Variants in TMEM87B observed in about 807,000 individuals in gnomAD.
TMEM87B encodes transmembrane protein 87B.
TMEM87B carries 83 observed loss-of-function variants against 80.3 expected under a neutral mutation model. The observed-to-expected ratio is 1.03, with a 90% confidence interval of 0.87 to 1.24. The LOEUF is 1.24. Among genes scored for constraint, TMEM87B ranks in the 50% most tolerant of loss-of-function variants. The probability of loss-of-function intolerance (pLI) is 0.00; values close to 1 mark genes in which losing one functional copy is unlikely to be tolerated. For missense variants in TMEM87B, 625 were observed against 674.4 expected (o/e 0.93, Z 0.81); for synonymous variants, 219 against 230.5 (o/e 0.95, Z 0.45).
intron 11 of TMEM87B, among the ~76,000 whole-genome samples, chr2:112,092,477 G>A (rs1573713861): frequency 6.6e-6 from 1 of 152,340 alleles, no homozygotes; most frequent in East Asian, 1.9e-4. Context: ...TGAGTAATGT[G>A]ATGAAACCTG....
intron 4 of TMEM87B, 62 bp from the exon 5 acceptor site, chr2:112,074,850 A>G: frequency 6.9e-7 from 1 of 1,450,612 alleles, no homozygotes. Context: ...TTAATTATTA[A>G]AACAATTTTT....
chr2:112,070,773 C>G (rs1320969010), intron 4 of TMEM87B, among the ~76,000 whole-genome samples: 6 of 151,852 alleles, frequency 4.0e-5, no homozygotes, highest in African/African-American at 1.5e-4. Flanking sequence ...GGCAGCAGGG[C>G]CATTTTAACA....
chr2:112,113,069 G>A, intron 18 of TMEM87B, 140 bp downstream of exon 18: 8 of 749,496 alleles, frequency 1.1e-5, no homozygotes, highest in South Asian at 6.3e-5. Flanking sequence ...TTGATTTGTG[G>A]GTAAAGTTGA....
At chr2:112,059,903 T>C (rs1678192342) in intron 1 of TMEM87B, 74 bp from the exon 2 acceptor site, 2 of 1,539,948 alleles carry the variant, frequency 1.3e-6, no homozygotes, top group Admixed American at 3.8e-5. Flanking sequence ...CTTAGAACTC[T>C]ATATGTTGTG....
At chr2:112,090,815 T>C (rs1355950032) in intron 10 of TMEM87B, among the ~76,000 whole-genome samples, 1 of 152,214 alleles carries the variant, frequency 6.6e-6, no homozygotes, top group Non-Finnish European at 1.5e-5. Flanking sequence ...CTTTGTCATT[T>C]TACCTAAAAT....
In TMEM87B at chr2:112,097,214, G is replaced by T. The variant is rs1453407434; in HGVS notation, c.1214-19G>T. 1.1e-5 allele frequency: 17 copies of T among 1,604,772 alleles called. No individual in the cohort carries two copies. The highest frequency in any genetic ancestry group is 3.5e-5 in the Admixed American group (2 of 57,478). ...AGTATTGTTATATTCCTTCAAAGGT[G>T]ACTTTTTGTGTGTTTCAGCTTCTAT... On this transcript the variant is annotated intron_variant, in intron 12 of 18. Transcript: ENST00000283206.
At chr2:112,110,061 C>T (rs187589520) in intron 17 of TMEM87B, among the ~76,000 whole-genome samples, 6 of 152,170 alleles carry the variant, frequency 3.9e-5, no homozygotes, top group South Asian at 4.1e-4. Context: ...CCACTGTACC[C>T]GGCTAGCTAC....
At chr2:112,074,865 G>T in intron 4 of TMEM87B, 47 bp from the exon 5 acceptor site, 2 of 1,475,110 alleles carry the variant, frequency 1.4e-6, no homozygotes, top group South Asian at 1.3e-5. Context: ...ATTTTTCTCC[G>T]TAGAAATGCA....
chr2:112,068,564 C>CGTG (rs1678512212), intron 4 of TMEM87B, among the ~76,000 whole-genome samples: 3 of 151,494 alleles, frequency 2.0e-5, no homozygotes, highest in Admixed American at 2.0e-4. Flanking sequence ...ATTAGCCGAG[C>CGTG]GTGGTGGCGG....
chr2:112,075,008 G>T (rs371880988), intron 5 of TMEM87B, 46 bp downstream of exon 5: 3 of 1,559,150 alleles, frequency 1.9e-6, no homozygotes, highest in Non-Finnish European at 2.6e-6. Flanking sequence ...ACAAGTTAAC[G>T]TAAGACTGAA....
intron 6 of TMEM87B, among the ~76,000 whole-genome samples, chr2:112,078,158 G>C (rs541506707): frequency 6.6e-6 from 1 of 152,302 alleles, no homozygotes; most frequent in East Asian, 1.9e-4. Flanking sequence ...CAAGTAGAGG[G>C]AGCAGGGACC....
intron 9 of TMEM87B, among the ~76,000 whole-genome samples, chr2:112,088,405 G>T (rs1042600874): frequency 1.3e-5 from 2 of 152,182 alleles, no homozygotes; most frequent in African/African-American, 4.8e-5. Flanking sequence ...TAAAGTGAGA[G>T]CAGTAACAGT....
intron 4 of TMEM87B, among the ~76,000 whole-genome samples, chr2:112,074,699 G>T (rs1487977119): frequency 6.6e-6 from 1 of 152,140 alleles, no homozygotes; most frequent in Non-Finnish European, 1.5e-5. Context: ...AGGAGTGTCA[G>T]TGAGTCATAG....
In TMEM87B at chr2:112,094,450, C is replaced by A. The variant is rs530626408; in HGVS notation, c.1105-2594C>A. Among the ~76,000 whole-genome samples, 6 of 152,008 alleles carry A rather than the reference C, an allele frequency of 3.9e-5. No individual in the cohort carries two copies. The South Asian group carries it at 1.3e-3, about 32-fold the overall frequency. ...TGCTGGGATTACAGGCGTGAGCCAC[C>A]GTGCCCTGCCGATTTCTTGTTCTTA... is the stretch of plus-strand genomic sequence containing the variant. On this transcript the variant is annotated intron_variant, in intron 11 of 18. Coordinates refer to ENST00000283206, the MANE Select transcript of TMEM87B (RefSeq NM_032824.3).
At chr2:112,075,875 C>T (rs1053205936) in intron 5 of TMEM87B, among the ~76,000 whole-genome samples, 21 of 152,074 alleles carry the variant, frequency 1.4e-4, no homozygotes, top group Non-Finnish European at 4.4e-5. Flanking sequence ...ATGAAAGAAA[C>T]GGATAGGAAA....
chr2:112,066,859 T>TAGAC, intron 3 of TMEM87B, 77 bp from the exon 4 acceptor site: 2 of 1,311,152 alleles, frequency 1.5e-6, no homozygotes, highest in Non-Finnish European at 2.0e-6. Context: ...TGGTATTATT[T>TAGAC]AGACATTAAC....
Position 112,097,262 on chromosome 2 carries a change from A to G in TMEM87B, c.1243A>G (p.Lys415Glu), listed in dbSNP as rs1211621600. 6.2e-7 allele frequency: 1 copy of G among 1,608,180 alleles called. No individual in the cohort carries two copies. Among genetic ancestry groups the G allele is most frequent in the South Asian group, 1.1e-5 (1 of 89,228 alleles). The change falls in exon 13 of 19, where the codon AAG (lysine) becomes GAG (glutamate). Residue 415 changes from lysine to glutamate, a missense_variant. Coordinates refer to ENST00000283206, the MANE Select transcript of TMEM87B (RefSeq NM_032824.3). ...ASIVFMGWTT[K>E]TFRIAKCQSD... ...TATAGTGTTTATGGGGTGGACAACT[A>G]AGACATTTAGAATTGCAAAATGCCA...
chr2:112,065,564 G>C (rs145379543), intron 3 of TMEM87B, among the ~76,000 whole-genome samples: 65 of 149,570 alleles, frequency 4.3e-4, no homozygotes, highest in Admixed American at 7.4e-4. Context: ...AGGATCCCTT[G>C]AGCCCAGGAG....
intron 2 of TMEM87B, among the ~76,000 whole-genome samples, chr2:112,061,489 T>C (rs1457207289): frequency 1.3e-5 from 2 of 152,142 alleles, no homozygotes; most frequent in Non-Finnish European, 2.9e-5. Flanking sequence ...TTCAAGCAGC[T>C]CTGTAATATC....
Sources: gnomAD v4.1 joint callset for allele counts (sites outside exome capture counted in the v4.1 genomes callset) on GRCh38, gnomAD v4.1.1 for gene constraint, MANE v1.5 for transcripts, NCBI Gene and HGNC (gene_info 2026-07-23, HGNC 2026-07-21) for gene names.